The following CACNA2D3 variants were observed in gnomAD, a reference collection of about 807,000 sequenced individuals.
CACNA2D3 encodes the protein calcium voltage-gated channel auxiliary subunit alpha2delta 3, also known as voltage-dependent calcium channel subunit alpha-2/delta-3.
In CACNA2D3, 60 loss-of-function variants were observed where a neutral mutation model predicts 160.6. That is an observed-to-expected ratio of 0.37 (90% CI 0.30 to 0.46). The LOEUF is 0.46. Ranked by LOEUF, CACNA2D3 falls within the 20% of genes least tolerant of loss-of-function variation. CACNA2D3 has a pLI of 1.00. For synonymous variants in CACNA2D3, 558 were observed against 492.9 expected (o/e 1.13, Z -1.75); for missense variants, 1,205 against 1,365.0 (o/e 0.88, Z 1.85).
intron 35 of CACNA2D3, among the ~76,000 whole-genome samples, chr3:55,033,207 T>A (rs1703716901): frequency 1.3e-5 from 2 of 152,166 alleles, no homozygotes; most frequent in Admixed American, 1.3e-4. Flanking sequence ...TGCTTACGAA[T>A]CTTTCTTCAC....
At chr3:54,603,630 G>C (rs1703105874) in intron 9 of CACNA2D3, among the ~76,000 whole-genome samples, 1 of 152,214 alleles carries the variant, frequency 6.6e-6, no homozygotes, top group African/African-American at 2.4e-5. Context: ...ATTTCAAAAT[G>C]TGGAATACTT....
chr3:54,800,119 CAGG>C (rs1350990882), intron 13 of CACNA2D3, among the ~76,000 whole-genome samples: 2 of 152,168 alleles, frequency 1.3e-5, no homozygotes, highest in African/African-American at 2.4e-5. Flanking sequence ...GGTGGGAGTT[CAGG>C]AGAAGGTCTG....
chr3:54,773,487 T>A (rs962736203), intron 13 of CACNA2D3, among the ~76,000 whole-genome samples: 1 of 152,184 alleles, frequency 6.6e-6, no homozygotes, highest in Non-Finnish European at 1.5e-5. Flanking sequence ...AGGAAACTGA[T>A]TATGTTGGGA....
chr3:54,433,211 G>T (rs927692574), intron 4 of CACNA2D3, among the ~76,000 whole-genome samples: 5 of 152,096 alleles, frequency 3.3e-5, no homozygotes, highest in Admixed American at 2.6e-4. Flanking sequence ...ATGACTGGAG[G>T]GGGATTTATG....
chr3:54,196,917 T>G (rs897176939), intron 2 of CACNA2D3, among the ~76,000 whole-genome samples: 1 of 152,198 alleles, frequency 6.6e-6, no homozygotes, highest in African/African-American at 2.4e-5. Context: ...TATGGTAAAT[T>G]AGACCTTTTG....
intron 2 of CACNA2D3, among the ~76,000 whole-genome samples, chr3:54,223,851 CAA>C (rs60397787): frequency 1.4e-4 from 14 of 96,700 alleles, no homozygotes; most frequent in African/African-American, 3.6e-4. Flanking sequence ...GACTCTGTCT[CAA>C]AAAAAAAAAA....
chr3:55,016,256 T>C (rs774567609), intron 34 of CACNA2D3, among the ~76,000 whole-genome samples: 1 of 152,180 alleles, frequency 6.6e-6, no homozygotes, highest in Non-Finnish European at 1.5e-5. Context: ...CCCGACTCCA[T>C]GAAATAGCAC....
At chr3:54,369,250 ATAATT>A (rs1698880764) in intron 3 of CACNA2D3, among the ~76,000 whole-genome samples, 1 of 151,918 alleles carries the variant, frequency 6.6e-6, no homozygotes, top group South Asian at 2.1e-4. Flanking sequence ...AACTTGTAAA[ATAATT>A]TAATGACACA....
intron 13 of CACNA2D3, among the ~76,000 whole-genome samples, chr3:54,768,609 A>C (rs1702263716): frequency 6.6e-6 from 1 of 152,198 alleles, no homozygotes; most frequent in Non-Finnish European, 1.5e-5. Flanking sequence ...AAGTCTCTGA[A>C]GTCTTTTGCT....
intron 13 of CACNA2D3, among the ~76,000 whole-genome samples, chr3:54,813,365 C>G (rs59979955): frequency 6.6e-6 from 1 of 152,194 alleles, no homozygotes; most frequent in Non-Finnish European, 1.5e-5. Context: ...GTGACCTCAT[C>G]TGGAGCCTCA....
chr3:54,809,326 T>TCATTCTTTCTTCCCC (rs1559590283), intron 13 of CACNA2D3, among the ~76,000 whole-genome samples: 1 of 120,094 alleles, frequency 8.3e-6, no homozygotes, highest in African/African-American at 3.6e-5. Flanking sequence ...TTTTTTTTTT[T>TCATTCTTTCTTCCCC]TTTGAGACGG....
At chr3:54,285,854 C>T (rs1298822108) in intron 2 of CACNA2D3, among the ~76,000 whole-genome samples, 3 of 152,224 alleles carry the variant, frequency 2.0e-5, no homozygotes, top group Non-Finnish European at 4.4e-5. Flanking sequence ...TTCAACAGAC[C>T]TGCAGCTGAG....
chr3:54,510,229 GATGGATGA>G (rs1180607347), intron 5 of CACNA2D3, among the ~76,000 whole-genome samples: 2 of 151,978 alleles, frequency 1.3e-5, no homozygotes, highest in Non-Finnish European at 2.9e-5. Flanking sequence ...TGGATGGATG[GATGGATGA>G]ATGGATGAAT....
chr3:54,619,109 C>T (rs376018657), intron 9 of CACNA2D3, among the ~76,000 whole-genome samples: 5 of 152,246 alleles, frequency 3.3e-5, no homozygotes, highest in African/African-American at 1.2e-4. Context: ...ACACAGGCGT[C>T]CTGTCCATGC....
At chr3:54,514,138 G>A (rs1316323631) in intron 5 of CACNA2D3, among the ~76,000 whole-genome samples, 1 of 152,160 alleles carries the variant, frequency 6.6e-6, no homozygotes. Flanking sequence ...AAATAATGTT[G>A]CAGCAAAGAG....
At chr3:54,935,009 A>C (rs1388708195) in intron 27 of CACNA2D3, among the ~76,000 whole-genome samples, 2 of 152,240 alleles carry the variant, frequency 1.3e-5, no homozygotes, top group African/African-American at 4.8e-5. Context: ...AAGTGCTGGG[A>C]CTGCAGGCAT....
intron 26 of CACNA2D3, among the ~76,000 whole-genome samples, chr3:54,898,947 A>G (rs1198203722): frequency 6.6e-6 from 1 of 152,208 alleles, no homozygotes; most frequent in Non-Finnish European, 1.5e-5. Context: ...ACCTGTACAA[A>G]CTAGAAAAGA....
At chr3:54,402,844 C>T (rs925950631) in intron 4 of CACNA2D3, among the ~76,000 whole-genome samples, 1 of 152,160 alleles carries the variant, frequency 6.6e-6, no homozygotes, top group African/African-American at 2.4e-5. Context: ...CTCTAGTGCA[C>T]GTGGAACATT....
At chr3:54,249,612 T>C (rs1465863008) in intron 2 of CACNA2D3, among the ~76,000 whole-genome samples, 1 of 130,608 alleles carries the variant, frequency 7.7e-6, no homozygotes, top group African/African-American at 3.3e-5. Context: ...AACTTGCCAG[T>C]CTCAGTAATC....
Sources: gnomAD v4.1 joint callset for allele counts (sites outside exome capture counted in the v4.1 genomes callset) on GRCh38, gnomAD v4.1.1 for gene constraint, MANE v1.5 for transcripts, NCBI Gene and HGNC (gene_info 2026-07-23, HGNC 2026-07-21) for gene names.